RSRC1: variants seen among roughly 807,000 people sequenced by gnomAD.
The protein encoded by RSRC1 is arginine and serine rich coiled-coil 1.
RSRC1 carries 39 observed loss-of-function variants against 49.1 expected under a neutral mutation model. That is an observed-to-expected ratio of 0.79 (90% CI 0.61 to 1.04). The LOEUF (loss-of-function observed/expected upper bound fraction) is 1.04. RSRC1 is among the 50% of genes least tolerant of loss of function. RSRC1 has a pLI of 0.00. For missense variants in RSRC1, 388 were observed against 402.4 expected (o/e 0.96, Z 0.31); for synonymous variants, 143 against 130.8 (o/e 1.09, Z -0.63).
At chr3:158,237,429 T>C (rs1723305676) in intron 4 of RSRC1, among the ~76,000 whole-genome samples, 1 of 152,230 alleles carries the variant, frequency 6.6e-6, no homozygotes, top group Non-Finnish European at 1.5e-5. Flanking sequence ...TGTTGTAGTT[T>C]ATATTCCCAT....
chr3:158,521,511 T>A (rs1463782555), intron 7 of RSRC1, among the ~76,000 whole-genome samples: 2 of 152,102 alleles, frequency 1.3e-5, no homozygotes. Context: ...TCTGCTGAAA[T>A]GCCACCTCTG....
At chr3:158,441,842 A>G (rs1385292366) in intron 6 of RSRC1, among the ~76,000 whole-genome samples, 1 of 152,142 alleles carries the variant, frequency 6.6e-6, no homozygotes, top group African/African-American at 2.4e-5. Context: ...AGTATGCTCT[A>G]GTGAATACAA....
intron 7 of RSRC1, among the ~76,000 whole-genome samples, chr3:158,522,969 T>C (rs1450170839): frequency 6.6e-6 from 1 of 152,156 alleles, no homozygotes; most frequent in East Asian, 1.9e-4. Context: ...TAGACCATTA[T>C]GTCCTTATGT....
intron 8 of RSRC1, among the ~76,000 whole-genome samples, chr3:158,541,747 T>G (rs189837513): frequency 4.9e-4 from 75 of 152,308 alleles, no homozygotes; most frequent in African/African-American, 1.7e-3. Context: ...CATCTTGTTT[T>G]TTTTTAATTT....
At chr3:158,203,647 C>T (rs892587140) in intron 4 of RSRC1, among the ~76,000 whole-genome samples, 1 of 152,020 alleles carries the variant, frequency 6.6e-6, no homozygotes, top group African/African-American at 2.4e-5. Flanking sequence ...TATTGTAAAG[C>T]TGTTAGCGGA....
chr3:158,154,375 A>G (rs966523801), intron 3 of RSRC1, among the ~76,000 whole-genome samples: 1 of 152,102 alleles, frequency 6.6e-6, no homozygotes, highest in East Asian at 1.9e-4. Context: ...ATAAGACAAC[A>G]ATAAAGTTTG....
At chr3:158,281,225 G>T (rs905783250) in intron 4 of RSRC1, among the ~76,000 whole-genome samples, 1 of 152,128 alleles carries the variant, frequency 6.6e-6, no homozygotes, top group Non-Finnish European at 1.5e-5. Flanking sequence ...GGCTTGAGCA[G>T]AAGGATGAAT....
Position 158,460,891 on chromosome 3 carries a change from A to G in RSRC1, c.584-44A>G, listed in dbSNP as rs780636284. ...TTTAACCAATATTTTCACTTTGAATATAGGCATAAAATAAGTACAAAAATT... is the reference window on the plus strand; with the variant it reads ...TTTAACCAATATTTTCACTTTGAATGTAGGCATAAAATAAGTACAAAAATT... On this transcript the variant is annotated intron_variant, in intron 6 of 9. Transcript: ENST00000611884. 8 of 1,319,030 alleles carry G rather than the reference A, an allele frequency of 6.1e-6. No homozygotes were observed. In the East Asian group the frequency reaches 1.0e-4, roughly 17 times the overall value. 81.7% of individuals were successfully genotyped at this position (1,319,030 alleles called of 1,614,324 possible).
chr3:158,364,591 T>C (rs1425214751), intron 6 of RSRC1, among the ~76,000 whole-genome samples: 1 of 152,074 alleles, frequency 6.6e-6, no homozygotes, highest in Non-Finnish European at 1.5e-5. Context: ...GTTGTTGTTA[T>C]GGATTTCAAT....
intron 6 of RSRC1, among the ~76,000 whole-genome samples, chr3:158,386,267 C>T (rs938820741): frequency 6.6e-6 from 1 of 151,926 alleles, no homozygotes. Flanking sequence ...ATTTTATGAA[C>T]TAGTACTTAT....
At chr3:158,176,709 G>T (rs927405942) in intron 3 of RSRC1, among the ~76,000 whole-genome samples, 1 of 152,102 alleles carries the variant, frequency 6.6e-6, no homozygotes, top group Non-Finnish European at 1.5e-5. Flanking sequence ...GAAAACCTAG[G>T]CAATACCATT....
chr3:158,360,869 G>A (rs1731428863), intron 6 of RSRC1, among the ~76,000 whole-genome samples: 1 of 152,184 alleles, frequency 6.6e-6, no homozygotes, highest in African/African-American at 2.4e-5. Context: ...TGCTCAGGAG[G>A]GCAGGGCTGC....
intron 4 of RSRC1, among the ~76,000 whole-genome samples, chr3:158,243,615 A>T (rs1239219878): frequency 1.3e-5 from 2 of 152,154 alleles, no homozygotes; most frequent in South Asian, 4.1e-4. Context: ...AATAGCACTG[A>T]ATCTATAAAT....
intron 4 of RSRC1, among the ~76,000 whole-genome samples, chr3:158,261,234 A>G (rs1409009645): frequency 6.6e-6 from 1 of 152,138 alleles, no homozygotes; most frequent in Non-Finnish European, 1.5e-5. Context: ...CTAGCTGTGT[A>G]TGTGTGTTCT....
intron 6 of RSRC1, among the ~76,000 whole-genome samples, chr3:158,360,274 T>C (rs827106): frequency 0.39 from 58,984 of 152,042 alleles, 12,301 homozygotes; most frequent in East Asian, 0.63. Context: ...TCCTCTGTTC[T>C]GCTTTGGCTG....
chr3:158,205,271 C>T (rs1421630460), intron 4 of RSRC1, among the ~76,000 whole-genome samples: 1 of 152,110 alleles, frequency 6.6e-6, no homozygotes, highest in African/African-American at 2.4e-5. Context: ...TGCTGAGGTG[C>T]ACACAGATTC....
intron 5 of RSRC1, among the ~76,000 whole-genome samples, chr3:158,302,301 A>T (rs1727597968): frequency 6.6e-6 from 1 of 152,102 alleles, no homozygotes; most frequent in Non-Finnish European, 1.5e-5. Context: ...CCAAGAAGTG[A>T]TGCTGCATAC....
At chr3:158,195,306 G>T (rs1223054057) in intron 3 of RSRC1, among the ~76,000 whole-genome samples, 1 of 151,228 alleles carries the variant, frequency 6.6e-6, no homozygotes, top group Non-Finnish European at 1.5e-5. Flanking sequence ...CTTTTGAGAA[G>T]TGTCTGTTCA....
rs569357791 is a variant in RSRC1, at chr3:158,178,207, C to T, written c.321-24865C>T. On this transcript the variant is annotated intron_variant, in intron 3 of 9. Transcript: ENST00000611884. ...GCAGGATATCATGATCTCATGATCT[C>T]AGCTCACTGCAACTTGCACCTCCCA... Among the ~76,000 whole-genome samples, 3 of 152,276 alleles carry T rather than the reference C, an allele frequency of 2.0e-5. No individual in the cohort carries two copies. In the East Asian group the frequency reaches 5.8e-4, roughly 29 times the overall value.
Sources: gnomAD v4.1 joint callset for allele counts (sites outside exome capture counted in the v4.1 genomes callset) on GRCh38, gnomAD v4.1.1 for gene constraint, MANE v1.5 for transcripts, NCBI Gene and HGNC (gene_info 2026-07-23, HGNC 2026-07-21) for gene names.